The following PCDHA10 variants were observed in gnomAD, a reference collection of about 807,000 sequenced individuals.
PCDHA10 encodes protocadherin alpha-10.
In PCDHA10, 45 loss-of-function variants were observed where a neutral mutation model predicts 61.2. That is an observed-to-expected ratio of 0.74 (90% CI 0.58 to 0.94). The LOEUF (loss-of-function observed/expected upper bound fraction) is 0.94. PCDHA10 is among the 40% of genes least tolerant of loss of function. The pLI, the probability that PCDHA10 is intolerant of heterozygous loss-of-function variation, is 0.00. For synonymous variants in PCDHA10, 602 were observed against 548.8 expected (o/e 1.10, Z -1.35); for missense variants, 1,278 against 1,236.2 (o/e 1.03, Z -0.51).
chr5:140,928,149 T>G (rs782254175), intron 1 of PCDHA10: 3 of 1,614,194 alleles, frequency 1.9e-6, no homozygotes, highest in Non-Finnish European at 2.5e-6. Context: ...CGGCCTCAGA[T>G]AGTGGCTCAC....
intron 1 of PCDHA10, chr5:140,875,534 T>G (rs114654172): frequency 0.025 from 39,957 of 1,614,138 alleles, 601 homozygotes; most frequent in Non-Finnish European, 0.03. Flanking sequence ...CTTCTGCTCC[T>G]TGCAGCCTGG....
chr5:140,877,306 C>G (rs1554169576), intron 1 of PCDHA10: 1 of 1,613,826 alleles, frequency 6.2e-7, no homozygotes, highest in African/African-American at 1.3e-5. Context: ...CTACGAGTTG[C>G]AACCGGCGGC....
At chr5:140,933,221 G>T (rs952837794) in intron 1 of PCDHA10, among the ~76,000 whole-genome samples, 1 of 151,758 alleles carries the variant, frequency 6.6e-6, no homozygotes, top group Non-Finnish European at 1.5e-5. Flanking sequence ...CTGTTATATT[G>T]CATTTATGAA....
At chr5:140,967,944 A>T in intron 1 of PCDHA10, 1 of 1,614,088 alleles carries the variant, frequency 6.2e-7, no homozygotes, top group Non-Finnish European at 8.5e-7. Flanking sequence ...AATGACCAAG[A>T]CTCAGGCCCC....
intron 1 of PCDHA10, chr5:140,875,473 A>T: frequency 1.2e-6 from 2 of 1,606,460 alleles, no homozygotes; most frequent in Non-Finnish European, 1.7e-6. Flanking sequence ...ATTTTCTGCA[A>T]TGGTGATTAT....
rs782647258 is a variant in PCDHA10 at position 140,869,948 on chromosome 5, T to A, written c.2388+11512T>A. The A allele has an allele frequency of 3.7e-6, 6 of 1,612,586 alleles. No individual in the cohort carries two copies. The South Asian group carries it at 5.5e-5, about 15-fold the overall frequency. ...AATGGAGAGGTAACATACTCCTTAA[T>A]GTCAATTAAGCCCAATGGAAGACAC... On this transcript the variant is annotated intron_variant, in intron 1 of 3. Coordinates refer to ENST00000307360, the MANE Select transcript of PCDHA10 (RefSeq NM_018901.4).
At chr5:140,877,839 A>G (rs2057367244) in intron 1 of PCDHA10, 12 of 1,582,068 alleles carry the variant, frequency 7.6e-6, no homozygotes, top group Non-Finnish European at 9.4e-6. Flanking sequence ...CTCCCAGTGA[A>G]GTAAGTTATT....
At chr5:140,970,948 C>T (rs1339410112) in intron 1 of PCDHA10, among the ~76,000 whole-genome samples, 1 of 152,114 alleles carries the variant, frequency 6.6e-6, no homozygotes, top group Non-Finnish European at 1.5e-5. Context: ...TGCTGAGAAA[C>T]CATGGGAGGC....
At position 140,897,557 on chromosome 5, in the gene PCDHA10, A is replaced by G. The variant is rs2066188249; in HGVS notation, c.2388+39121A>G. Reference sequence around the variant, plus strand: ...GGCTGCATAGTCTTCCATGGTGTATATGTGCCACATTTTCTTAATCCAGTC... The same window carrying G: ...GGCTGCATAGTCTTCCATGGTGTATGTGTGCCACATTTTCTTAATCCAGTC... On this transcript the variant is annotated intron_variant, in intron 1 of 3. Coordinates refer to ENST00000307360, the MANE Select transcript of PCDHA10 (RefSeq NM_018901.4). Among the ~76,000 whole-genome samples, 4 of 151,994 alleles carry G rather than the reference A, an allele frequency of 2.6e-5. No individual in the cohort carries two copies. The South Asian group carries it at 8.3e-4, about 32-fold the overall frequency.
chr5:140,969,389 A>G (rs1554231753), intron 1 of PCDHA10: 8 of 1,592,478 alleles, frequency 5.0e-6, no homozygotes, highest in Admixed American at 1.8e-5. Context: ...ACATCCCCCA[A>G]TATCCTGTGA....
intron 1 of PCDHA10, chr5:140,884,440 G>T: frequency 1.2e-6 from 2 of 1,613,830 alleles, no homozygotes; most frequent in Non-Finnish European, 1.7e-6. Flanking sequence ...TGCGGTGCTC[G>T]GCACCGCCCA....
chr5:140,858,585 T>C, intron 1 of PCDHA10, 149 bp downstream of exon 1: 1 of 1,345,266 alleles, frequency 7.4e-7, no homozygotes, highest in Non-Finnish European at 1.0e-6. Context: ...GTAATATAAT[T>C]TATTCCAGGA....
At chr5:140,876,630 C>T in intron 1 of PCDHA10, 2 of 1,614,226 alleles carry the variant, frequency 1.2e-6, no homozygotes, top group Non-Finnish European at 1.7e-6. Context: ...GACAGGTCAT[C>T]TGCTCACTGA....
At position 140,909,620 on chromosome 5, in the gene PCDHA10, A is replaced by G. The variant is rs576090849; in HGVS notation, c.2388+51184A>G. On this transcript the variant is annotated intron_variant, in intron 1 of 3. Transcript: ENST00000307360. Reference sequence around the variant, plus strand: ...ATTTTTCTAGGTAGAGGCAGCTCTAATTGGTCTTCCTATTTTGTCTTTTCC... The same window carrying G: ...ATTTTTCTAGGTAGAGGCAGCTCTAGTTGGTCTTCCTATTTTGTCTTTTCC... Among the ~76,000 whole-genome samples the G allele has an allele frequency of 3.8e-4, 58 of 152,240 alleles. 2 individuals carry two copies. The Middle Eastern group carries it at 0.01, about 27-fold the overall frequency.
At position 140,960,518 on chromosome 5, in the gene PCDHA10, G is replaced by A. The variant is rs555475003; in HGVS notation, c.2389-18431G>A. Among the ~76,000 whole-genome samples the A allele has an allele frequency of 2.6e-5, 4 of 152,176 alleles. No homozygotes were observed. The East Asian group carries it at 7.7e-4, about 29-fold the overall frequency. ...TTTGTTCCAAGCAGCAAACATAATG[G>A]GTATAGGAAAGAGAAACTGTGGCCT... On this transcript the variant is annotated intron_variant, in intron 1 of 3. Coordinates refer to ENST00000307360, the MANE Select transcript of PCDHA10 (RefSeq NM_018901.4).
intron 1 of PCDHA10, among the ~76,000 whole-genome samples, chr5:140,892,799 G>A (rs1222453314): frequency 6.6e-6 from 1 of 152,108 alleles, no homozygotes; most frequent in African/African-American, 2.4e-5. Flanking sequence ...AGAAATTATA[G>A]TTAACCATAT....
At chr5:140,869,884 G>T in intron 1 of PCDHA10, 1 of 1,610,394 alleles carries the variant, frequency 6.2e-7, no homozygotes, top group Non-Finnish European at 8.5e-7. Flanking sequence ...AGAAACTCTT[G>T]TGCTCAAACT....
At chr5:140,860,585 A>G (rs782000527) in intron 1 of PCDHA10, 1 of 152,230 alleles carries the variant, frequency 6.6e-6, no homozygotes, top group African/African-American at 2.4e-5. Flanking sequence ...AAGGTATAGG[A>G]AAGGAGTTGG....
At chr5:140,921,965 A>T (rs1459699467) in intron 1 of PCDHA10, among the ~76,000 whole-genome samples, 1 of 152,112 alleles carries the variant, frequency 6.6e-6, no homozygotes. Flanking sequence ...AGAAAACCAA[A>T]GGAAAAAATA....
Sources: allele counts gnomAD v4.1 joint callset (sites outside exome capture counted in the v4.1 genomes callset), GRCh38; gene constraint gnomAD v4.1.1; transcripts MANE v1.5; gene names NCBI Gene and HGNC (gene_info 2026-07-23, HGNC 2026-07-21).